ABI2: variants seen among roughly 807,000 people sequenced by gnomAD.
ABI2 encodes the protein abl interactor 2.
ABI2 carries 25 observed loss-of-function variants against 59.2 expected under a neutral mutation model. The observed-to-expected ratio is 0.42, with a 90% CI of 0.31 to 0.59. The LOEUF (loss-of-function observed/expected upper bound fraction) is 0.59. Ranked by LOEUF, ABI2 falls within the 20% of genes least tolerant of loss-of-function variation. ABI2 has a pLI of 0.14. For synonymous variants in ABI2, 213 were observed against 235.5 expected (o/e 0.90, Z 0.87); for missense variants, 545 against 681.8 (o/e 0.80, Z 2.23).
At chr2:203,413,072 A>G (rs1343521553) in intron 10 of ABI2, among the ~76,000 whole-genome samples, 1 of 152,154 alleles carries the variant, frequency 6.6e-6, no homozygotes, top group African/African-American at 2.4e-5. Flanking sequence ...TATTGTGATG[A>G]GTGTACACCT....
At chr2:203,413,039 C>T (rs994893320) in intron 10 of ABI2, among the ~76,000 whole-genome samples, 1 of 152,164 alleles carries the variant, frequency 6.6e-6, no homozygotes, top group African/African-American at 2.4e-5. Context: ...GAATAATACC[C>T]TGGGAGTTTT....
chr2:203,356,036 C>T (rs1178563919), intron 1 of ABI2, among the ~76,000 whole-genome samples: 2 of 151,960 alleles, frequency 1.3e-5, no homozygotes, highest in Non-Finnish European at 2.9e-5. Context: ...ATTCTCAGTT[C>T]TTTGTATATA....
intron 1 of ABI2, chr2:203,342,332 A>G (rs1481767079): frequency 1.5e-5 from 6 of 388,740 alleles, no homozygotes; most frequent in Non-Finnish European, 2.5e-5. Flanking sequence ...TGCATATAAT[A>G]TGGGACTGTT....
intron 11 of ABI2, among the ~76,000 whole-genome samples, chr2:203,421,407 CTT>C (rs1478813848): frequency 6.6e-6 from 1 of 152,174 alleles, no homozygotes; most frequent in African/African-American, 2.4e-5. Flanking sequence ...TCATCAAGGT[CTT>C]TCTTAAATTT....
intron 2 of ABI2, among the ~76,000 whole-genome samples, chr2:203,374,634 T>C (rs1014404150): frequency 2.2e-4 from 34 of 152,320 alleles, no homozygotes; most frequent in African/African-American, 7.7e-4. Flanking sequence ...TTTATATCAC[T>C]TTATATAAAA....
intron 8 of ABI2, among the ~76,000 whole-genome samples, chr2:203,397,905 T>C (rs1300075001): frequency 6.6e-6 from 1 of 152,146 alleles, no homozygotes; most frequent in Non-Finnish European, 1.5e-5. Flanking sequence ...CCAAGGGGGA[T>C]GGTGTTAAAC....
intron 1 of ABI2, chr2:203,351,629 G>A (rs140422559): frequency 4.7e-6 from 2 of 426,222 alleles, no homozygotes; most frequent in African/African-American, 2.1e-5. Flanking sequence ...TTGAACTCCT[G>A]TGCTCAAGTG....
rs143284329 is a variant in ABI2 at position 203,429,389 on chromosome 2, A to G, written c.*2037A>G. On this transcript the variant is annotated 3_prime_UTR_variant, in exon 12 of 12. Transcript: ENST00000261018. ...AAACTGTTTTAAATTAGATGTTCCCATTATTTATTTAAACAGCTTTTTGCT... is the reference window on the plus strand; with the variant it reads ...AAACTGTTTTAAATTAGATGTTCCCGTTATTTATTTAAACAGCTTTTTGCT... 1.2e-4 allele frequency: 18 copies of G among 152,332 alleles called. No individual in the cohort carries two copies. The East Asian group carries it at 3.3e-3, about 28-fold the overall frequency. The allele number at this position is 152,332 out of a possible 1,614,324, so 9.4% of individuals were successfully genotyped here. A position where few individuals can be genotyped will look rare whatever the true frequency, so the allele number is the denominator to read the frequency against.
intron 9 of ABI2, 56 bp downstream of exon 9, chr2:203,402,790 A>G (rs779196182): frequency 3.0e-5 from 43 of 1,414,060 alleles, no homozygotes; most frequent in Non-Finnish European, 4.0e-5. Context: ...AAAACCTTCA[A>G]CTACAAAAAA....
chr2:203,350,728 T>TG (rs1218786475), intron 1 of ABI2, among the ~76,000 whole-genome samples: 1 of 151,266 alleles, frequency 6.6e-6, no homozygotes, highest in African/African-American at 2.4e-5. Context: ...TTATTAGAGA[T>TG]GGGGTTTCAC....
chr2:203,391,831 A>G (rs1269023314), intron 5 of ABI2, among the ~76,000 whole-genome samples: 3 of 152,024 alleles, frequency 2.0e-5, no homozygotes, highest in Non-Finnish European at 4.4e-5. Flanking sequence ...AAAAAAAAAA[A>G]AAAAAAAGAA....
At chr2:203,386,495 C>A (rs2096526868) in intron 4 of ABI2, 1 of 379,490 alleles carries the variant, frequency 2.6e-6, no homozygotes, top group Non-Finnish European at 3.4e-6. Context: ...AGTCTGGAAT[C>A]CTGTTCTTTT....
intron 11 of ABI2, among the ~76,000 whole-genome samples, chr2:203,421,001 C>A (rs1340517077): frequency 6.6e-6 from 1 of 150,622 alleles, no homozygotes; most frequent in African/African-American, 2.4e-5. Flanking sequence ...TATGAGCACG[C>A]AAAGGGAATA....
At chr2:203,332,488 G>T (rs1463911757) in intron 1 of ABI2, among the ~76,000 whole-genome samples, 1 of 152,136 alleles carries the variant, frequency 6.6e-6, no homozygotes, top group Non-Finnish European at 1.5e-5. Context: ...AGCTGGCTAT[G>T]GTGGCGTGTG....
intron 1 of ABI2, among the ~76,000 whole-genome samples, chr2:203,338,481 GGTT>G (rs769279971): frequency 6.6e-6 from 1 of 151,886 alleles, no homozygotes; most frequent in Non-Finnish European, 1.5e-5. Flanking sequence ...CGTGAGAACT[GGTT>G]GTTTAAAATT....
chr2:203,387,377 T>G (rs1487572845), intron 4 of ABI2, among the ~76,000 whole-genome samples: 2 of 152,198 alleles, frequency 1.3e-5, no homozygotes, highest in Non-Finnish European at 2.9e-5. Context: ...AATAATTGGC[T>G]TAATGTGTGG....
Position 203,396,910 on chromosome 2 carries a change from C to A in ABI2, c.976C>A (p.Leu326Ile). Residue 326 changes from leucine to isoleucine, a missense_variant, in exon 8 of 12, where the codon CTT (leucine) becomes ATT (isoleucine). This residue lies in a region of ABI2 where 410 missense variants were observed against 435.6 expected (regional missense o/e 0.94). Transcript: ENST00000261018. ...PDAAAGGAQTLADGFTSPTPP... is the reference protein window; with the variant it reads ...PDAAAGGAQTIADGFTSPTPP... ...CGCTGCTGCTGGGGGTGCCCAGACC[C>A]TTGCTGATGGCTTCACTTCTCCAAC... 3 of 1,527,874 alleles carry A rather than the reference C, an allele frequency of 2.0e-6. No individual in the cohort carries two copies. The South Asian group carries it at 3.6e-5, about 18-fold the overall frequency. 94.6% of individuals were successfully genotyped at this position (1,527,874 alleles called of 1,614,324 possible).
intron 11 of ABI2, among the ~76,000 whole-genome samples, chr2:203,418,502 T>G (rs1290471151): frequency 6.6e-6 from 1 of 152,260 alleles, no homozygotes; most frequent in East Asian, 1.9e-4. Flanking sequence ...GGCCTCGGCT[T>G]CTTCATTGGC....
chr2:203,386,640 CT>C (rs537240194), intron 4 of ABI2: 684 of 121,674 alleles, frequency 5.6e-3, no homozygotes, highest in East Asian at 0.015. Context: ...GTAGACATTG[CT>C]TTTTTTTTTT....
Sources: gnomAD v4.1 joint callset for allele counts (sites outside exome capture counted in the v4.1 genomes callset) on GRCh38, gnomAD v4.1.1 for gene constraint, gnomAD v4.1.1 regional missense constraint, MANE v1.5 for transcripts, NCBI Gene and HGNC (gene_info 2026-07-23, HGNC 2026-07-21) for gene names.